KCNN3: variants seen among roughly 807,000 people sequenced by gnomAD.
KCNN3 encodes the protein potassium calcium-activated channel subfamily N member 3, also known as small conductance calcium-activated potassium channel protein 3.
Under a neutral mutation model 62.9 loss-of-function variants are expected in KCNN3, and 16 were observed. The ratio of observed to expected loss-of-function variants is 0.25; its 90% CI spans 0.17 to 0.39. The LOEUF (loss-of-function observed/expected upper bound fraction) is 0.39. Among genes scored for constraint, KCNN3 ranks in the 10% least tolerant of loss-of-function variants. The pLI, the probability that KCNN3 is intolerant of heterozygous loss-of-function variation, is 1.00. For synonymous variants in KCNN3, 370 were observed against 389.2 expected, an observed-to-expected ratio of 0.95 and a Z score of 0.58; for missense variants, 599 against 949.4, an observed-to-expected ratio of 0.63 and a Z score of 4.85.
chr1:154,800,176 C>T (rs1426436334), intron 2 of KCNN3, among the ~76,000 whole-genome samples: 1 of 152,166 alleles, frequency 6.6e-6, no homozygotes, highest in Non-Finnish European at 1.5e-5. Flanking sequence ...CAGAATGGGA[C>T]ATATAAGCAG....
chr1:154,851,892 C>T (rs1170159950), intron 1 of KCNN3, among the ~76,000 whole-genome samples: 1 of 152,170 alleles, frequency 6.6e-6, no homozygotes. Flanking sequence ...CCCATCTCAC[C>T]CAGGGTAAAG....
intron 1 of KCNN3, among the ~76,000 whole-genome samples, chr1:154,855,968 C>T (rs781358704): frequency 2.0e-5 from 3 of 152,156 alleles, no homozygotes; most frequent in East Asian, 1.9e-4. Context: ...TTGAGTCAGA[C>T]GTGGTGCCTC....
intron 2 of KCNN3, among the ~76,000 whole-genome samples, chr1:154,803,161 C>G (rs1385120586): frequency 6.6e-6 from 1 of 152,156 alleles, no homozygotes; most frequent in Admixed American, 6.5e-5. Context: ...CCCTAGACAC[C>G]AATGAGCCTG....
At chr1:154,790,151 G>A (rs532711951) in intron 2 of KCNN3, among the ~76,000 whole-genome samples, 21 of 152,258 alleles carry the variant, frequency 1.4e-4, no homozygotes, top group Admixed American at 2.6e-4. Flanking sequence ...GGCTGGTCTC[G>A]AACTCCTGAT....
intron 1 of KCNN3, among the ~76,000 whole-genome samples, chr1:154,839,120 G>A (rs1372823992): frequency 2.0e-5 from 3 of 152,194 alleles, no homozygotes; most frequent in African/African-American, 4.8e-5. Flanking sequence ...GCTGACACAG[G>A]TCGCTGTGTA....
intron 1 of KCNN3, among the ~76,000 whole-genome samples, chr1:154,830,846 A>G (rs1441319680): frequency 6.6e-6 from 1 of 152,190 alleles, no homozygotes; most frequent in Non-Finnish European, 1.5e-5. Context: ...TGTCCCAAGG[A>G]AGGCAGAAAA....
intron 1 of KCNN3, among the ~76,000 whole-genome samples, chr1:154,834,762 G>A (rs141446793): frequency 6.6e-6 from 1 of 152,342 alleles, no homozygotes; most frequent in African/African-American, 2.4e-5. Flanking sequence ...GGCACGGAAT[G>A]ATTATACAAT....
At chr1:154,860,387 G>T (rs920697821) in intron 1 of KCNN3, among the ~76,000 whole-genome samples, 1 of 152,090 alleles carries the variant, frequency 6.6e-6, no homozygotes, top group Non-Finnish European at 1.5e-5. Context: ...TCAGCCTCTG[G>T]CCTGGCCCCA....
At chr1:154,738,172 G>C (rs996468169) in intron 3 of KCNN3, among the ~76,000 whole-genome samples, 1 of 152,176 alleles carries the variant, frequency 6.6e-6, no homozygotes, top group Non-Finnish European at 1.5e-5. Context: ...ACATTATTGT[G>C]AAATTTCAGA....
intron 3 of KCNN3, among the ~76,000 whole-genome samples, chr1:154,754,333 T>C (rs1647528765): frequency 6.6e-6 from 1 of 151,748 alleles, no homozygotes; most frequent in Non-Finnish European, 1.5e-5. Context: ...CCATAGAGCT[T>C]GGTGCCTAAA....
intron 1 of KCNN3, among the ~76,000 whole-genome samples, chr1:154,850,480 G>A (rs1266489292): frequency 1.3e-5 from 2 of 152,162 alleles, no homozygotes; most frequent in African/African-American, 4.8e-5. Flanking sequence ...AGCCATACCT[G>A]CTGCCTTTCC....
rs1009898187 is a variant in KCNN3, at chr1:154,840,191, A to C, written c.934-18007T>G. Reference sequence around the variant, plus strand: ...ACAGGTTTACACTGGCTTAAAAGCAATATATTTTATTAAAAGTGTCTATTC... The same window carrying C: ...ACAGGTTTACACTGGCTTAAAAGCACTATATTTTATTAAAAGTGTCTATTC... On this transcript the variant is annotated intron_variant, in intron 1 of 7. Transcript: ENST00000271915. Among the ~76,000 whole-genome samples, 13 of 152,328 alleles carry C rather than the reference A, an allele frequency of 8.5e-5. No homozygotes were observed. In the South Asian group the frequency reaches 2.5e-3, roughly 29 times the overall value.
Position 154,702,498 on chromosome 1 carries a change from CT to C in KCNN3, c.*5477del. 6.6e-6 allele frequency: 1 copy of C among 151,150 alleles called. No homozygotes were observed. The highest frequency in any genetic ancestry group is 1.5e-5 in the Non-Finnish European group (1 of 67,834). 9.4% of individuals were successfully genotyped at this position (151,150 alleles called of 1,614,324 possible). On this transcript the variant is annotated 3_prime_UTR_variant, in exon 8 of 8. Coordinates refer to ENST00000271915, the MANE Select transcript of KCNN3 (RefSeq NM_002249.6). ...TCCTCCATTAACATCCTGTCATTCT[CT>C]TGTTGTTCTCGTGGCCAGTGCAGAA...
At chr1:154,728,577 G>A (rs946497279) in intron 4 of KCNN3, among the ~76,000 whole-genome samples, 17 of 152,094 alleles carry the variant, frequency 1.1e-4, no homozygotes, top group South Asian at 2.1e-4. Context: ...TGCGGGGTGC[G>A]GGGCGGGAAA....
intron 1 of KCNN3, among the ~76,000 whole-genome samples, chr1:154,866,868 C>T (rs2101939718): frequency 6.6e-6 from 1 of 152,256 alleles, no homozygotes; most frequent in South Asian, 2.1e-4. Flanking sequence ...CTGGGAAAGC[C>T]CCTTTCCCTG....
intron 2 of KCNN3, among the ~76,000 whole-genome samples, chr1:154,791,870 C>T (rs1054253156): frequency 2.6e-5 from 4 of 152,360 alleles, no homozygotes; most frequent in South Asian, 2.1e-4. Flanking sequence ...AGCTGACTCA[C>T]GTCCCTTTGG....
chr1:154,717,644 A>T (rs1274115366), intron 5 of KCNN3, among the ~76,000 whole-genome samples: 2 of 151,960 alleles, frequency 1.3e-5, no homozygotes, highest in Admixed American at 6.6e-5. Context: ...CAAATGTAAG[A>T]TACTGAAGTC....
In KCNN3 at chr1:154,857,723, T is replaced by C. The variant is rs1220075542; in HGVS notation, c.933+11309A>G. ...CAAGTCACTTAAACTCTCGGAGCCT[T>C]GGGTCTGTCATCTGTAAAATGGGGA... On this transcript the variant is annotated intron_variant, in intron 1 of 7. Coordinates refer to ENST00000271915, the MANE Select transcript of KCNN3 (RefSeq NM_002249.6). 3.3e-5 allele frequency among the ~76,000 whole-genome samples: 5 copies of C among 152,270 alleles called. No individual in the cohort carries two copies. The East Asian group carries it at 7.7e-4, about 24-fold the overall frequency.
At chr1:154,817,926 T>C (rs1025394534) in intron 2 of KCNN3, among the ~76,000 whole-genome samples, 2 of 151,966 alleles carry the variant, frequency 1.3e-5, no homozygotes, top group African/African-American at 4.8e-5. Flanking sequence ...GAGTTCAGTG[T>C]TTTGTGTGTG....
Sources: gnomAD v4.1 joint callset for allele counts (sites outside exome capture counted in the v4.1 genomes callset) on GRCh38, gnomAD v4.1.1 for gene constraint, MANE v1.5 for transcripts, NCBI Gene and HGNC (gene_info 2026-07-23, HGNC 2026-07-21) for gene names.